The following RBL1 variants were observed in gnomAD, a reference collection of about 807,000 sequenced individuals.
RBL1 encodes the protein RB transcriptional corepressor like 1, also known as retinoblastoma-like protein 1.
RBL1 carries 82 observed loss-of-function variants against 123.0 expected under a neutral mutation model. The observed-to-expected ratio is 0.67, with a 90% CI of 0.56 to 0.80. The LOEUF is 0.80. Among genes scored for constraint, RBL1 ranks in the 30% least tolerant of loss-of-function variants. The pLI is 0.00. For synonymous variants in RBL1, 405 were observed against 441.3 expected (o/e 0.92, Z 1.03); for missense variants, 1,171 against 1,299.6 (o/e 0.90, Z 1.52).
At chr20:37,033,017 T>TC (rs2064539701) in intron 15 of RBL1, 141 bp from the exon 16 acceptor site, 3 of 1,185,948 alleles carry the variant, frequency 2.5e-6, no homozygotes, top group Non-Finnish European at 3.3e-6. Context: ...ATGACTGAAT[T>TC]CTTTTTTTTT....
intron 11 of RBL1, among the ~76,000 whole-genome samples, chr20:37,048,443 G>C (rs1466048179): frequency 6.6e-6 from 1 of 152,160 alleles, no homozygotes; most frequent in Non-Finnish European, 1.5e-5. Context: ...TCTGCAGACT[G>C]AACCATAAGA....
At chr20:37,047,312 G>A in intron 11 of RBL1, 122 bp from the exon 12 acceptor site, 1 of 1,167,310 alleles carries the variant, frequency 8.6e-7, no homozygotes, top group Non-Finnish European at 1.1e-6. Context: ...TAGATTACTG[G>A]AGATAAAAAT....
At chr20:37,068,759 G>A (rs1331283584) in intron 2 of RBL1, among the ~76,000 whole-genome samples, 1 of 152,216 alleles carries the variant, frequency 6.6e-6, no homozygotes, top group Non-Finnish European at 1.5e-5. Flanking sequence ...GAGATCACCT[G>A]AGATCGGGAG....
In RBL1 at chr20:37,014,957, G is replaced by C. The variant is rs535901228; in HGVS notation, c.2722+3322C>G. Among the ~76,000 whole-genome samples, 282 of 151,864 alleles carry C rather than the reference G, an allele frequency of 1.9e-3. 1 individual carries two copies. The highest frequency in any genetic ancestry group is 3.0e-3 in the Non-Finnish European group (201 of 67,932). The stretch of plus-strand genomic sequence containing the variant: ...AGGTGCCTGTAATCCCAGCTACTCG[G>C]GAGGCTGAGGCAGGAGAATCACTTG... On this transcript the variant is annotated intron_variant, in intron 19 of 21. Transcript: ENST00000373664.
chr20:37,046,996 A>G, intron 12 of RBL1, 57 bp downstream of exon 12: 1 of 1,516,190 alleles, frequency 6.6e-7, no homozygotes, highest in Non-Finnish European at 8.8e-7. Context: ...GATAAATACA[A>G]TGTTTCTGTG....
chr20:37,033,978 G>T, intron 15 of RBL1, among the ~76,000 whole-genome samples: 1 of 135,844 alleles, frequency 7.4e-6, no homozygotes, highest in East Asian at 2.3e-4. Context: ...TTGCTCTGTT[G>T]TCCTGGCTGG....
chr20:37,010,969 C>A (rs1487010873), intron 19 of RBL1, among the ~76,000 whole-genome samples: 3 of 152,130 alleles, frequency 2.0e-5, no homozygotes, highest in African/African-American at 7.2e-5. Context: ...GTGTGAGCCA[C>A]CATGCCCAGC....
intron 13 of RBL1, among the ~76,000 whole-genome samples, chr20:37,042,217 A>G (rs2064741306): frequency 6.6e-6 from 1 of 152,180 alleles, no homozygotes; most frequent in South Asian, 2.1e-4. Flanking sequence ...ACCCAATTAC[A>G]AAATGGGCAA....
chr20:37,017,620 T>TTGTGTGTGTGTGTGTGTG (rs147347259), intron 19 of RBL1, among the ~76,000 whole-genome samples: 8,756 of 139,622 alleles, frequency 0.063, 418 homozygotes, highest in African/African-American at 0.11. Flanking sequence ...GGACATTTTC[T>TTGTGTGTGTGTGTGTGTG]TGTGTGTGTG....
At chr20:37,058,125 A>C (rs369850045) in intron 9 of RBL1, among the ~76,000 whole-genome samples, 1,632 of 144,058 alleles carry the variant, frequency 0.011, 55 homozygotes, top group Middle Eastern at 0.042. Context: ...TAAAAAAAAA[A>C]AAAACAAAAC....
At chr20:37,066,701 T>TA in intron 6 of RBL1, 23 bp downstream of exon 6, 1 of 1,588,616 alleles carries the variant, frequency 6.3e-7, no homozygotes, top group South Asian at 1.1e-5. Flanking sequence ...AACATCTCAG[T>TA]CATCTAATTA....
chr20:37,040,113 C>G, intron 14 of RBL1, 40 bp downstream of exon 14: 1 of 1,604,044 alleles, frequency 6.2e-7, no homozygotes, highest in Non-Finnish European at 8.5e-7. Flanking sequence ...GCCAAATGCC[C>G]TTTGTTACTT....
At chr20:37,064,872 C>A (rs112018258) in intron 7 of RBL1, among the ~76,000 whole-genome samples, 1 of 151,766 alleles carries the variant, frequency 6.6e-6, no homozygotes, top group Non-Finnish European at 1.5e-5. Flanking sequence ...GTGATCGGCC[C>A]GCCTTGGCCT....
At chr20:37,029,194 G>A (rs746576476) in intron 16 of RBL1, among the ~76,000 whole-genome samples, 8 of 152,108 alleles carry the variant, frequency 5.3e-5, no homozygotes, top group Admixed American at 1.3e-4. Context: ...GGAAGAGAAG[G>A]AAACTACCTA....
chr20:37,027,788 T>C (rs893778024), intron 16 of RBL1, among the ~76,000 whole-genome samples: 9 of 152,214 alleles, frequency 5.9e-5, no homozygotes, highest in Non-Finnish European at 8.8e-5. Flanking sequence ...GGGATCTTAC[T>C]CTGTTGCTTG....
At chr20:37,015,889 T>C (rs559842167) in intron 19 of RBL1, among the ~76,000 whole-genome samples, 20 of 148,736 alleles carry the variant, frequency 1.3e-4, no homozygotes, top group Non-Finnish European at 2.4e-4. Flanking sequence ...CTGCACCTGG[T>C]AATTTTTGTA....
chr20:37,007,107 G>T (rs1258107017), intron 20 of RBL1, among the ~76,000 whole-genome samples: 3 of 152,072 alleles, frequency 2.0e-5, no homozygotes, highest in African/African-American at 7.2e-5. Context: ...AAATTAGCTA[G>T]GCGTGGGGGC....
chr20:37,089,142 C>T lies in RBL1; in HGVS notation c.157-20G>A. 1 of 1,578,998 alleles carries T rather than the reference C, an allele frequency of 6.3e-7. No homozygotes were observed. Among genetic ancestry groups the T allele is most frequent in the East Asian group, 2.3e-5 (1 of 43,300 alleles). ...TTCTCCCTGGCAAGCAAAAGACAAA[C>T]AGCAAAACAGGTATAATATTATGTT... On this transcript the variant is annotated intron_variant, in intron 1 of 21. Coordinates refer to ENST00000373664, the MANE Select transcript of RBL1 (RefSeq NM_002895.5).
At chr20:37,091,734 G>C (rs2065649861) in intron 1 of RBL1, among the ~76,000 whole-genome samples, 1 of 151,262 alleles carries the variant, frequency 6.6e-6, no homozygotes, top group Non-Finnish European at 1.5e-5. Context: ...CTTATACACT[G>C]TTCCACAGAC....
Sources: gnomAD v4.1 joint callset for allele counts (sites outside exome capture counted in the v4.1 genomes callset) on GRCh38, gnomAD v4.1.1 for gene constraint, MANE v1.5 for transcripts, NCBI Gene and HGNC (gene_info 2026-07-23, HGNC 2026-07-21) for gene names.